PRPF18: variants seen among roughly 807,000 people sequenced by gnomAD.
PRPF18 encodes the protein pre-mRNA-splicing factor 18.
A neutral mutation model predicts 46.5 loss-of-function variants in PRPF18; 38 were observed. That is an observed-to-expected ratio of 0.82 (90% CI 0.63 to 1.07). PRPF18 has a LOEUF of 1.07. Ranked by LOEUF, PRPF18 falls within the 50% of genes least tolerant of loss-of-function variation. The pLI, the probability that PRPF18 is intolerant of heterozygous loss-of-function variation, is 0.00. For synonymous variants in PRPF18, 152 were observed against 146.7 expected, an observed-to-expected ratio of 1.04 and a Z score of -0.26; for missense variants, 263 against 410.0, an observed-to-expected ratio of 0.64 and a Z score of 3.10.
At chr10:13,616,595 AT>A (rs1314881786) in intron 9 of PRPF18, 42 bp downstream of exon 9, 2 of 1,598,236 alleles carry the variant, frequency 1.3e-6, no homozygotes, top group Non-Finnish European at 1.7e-6. Context: ...GGAAGTGAAT[AT>A]TCTCTAATTC....
intron 3 of PRPF18, among the ~76,000 whole-genome samples, chr10:13,605,412 T>C (rs1449272661): frequency 6.6e-6 from 1 of 151,860 alleles, no homozygotes; most frequent in Non-Finnish European, 1.5e-5. Flanking sequence ...TGAAACCCCA[T>C]CTCTACTAAA....
the PRPF18 span, among the ~76,000 whole-genome samples, chr10:13,636,589 T>C: frequency 6.6e-6 from 1 of 152,186 alleles, no homozygotes; most frequent in African/African-American, 2.4e-5. Context: ...TAAATTTTCT[T>C]ATTGGCAGTA....
At chr10:13,650,434 G>GTGTATGTA in the PRPF18 span, among the ~76,000 whole-genome samples, 1 of 152,122 alleles carries the variant, frequency 6.6e-6, no homozygotes, top group Admixed American at 6.5e-5. Flanking sequence ...GTATGTATTC[G>GTGTATGTA]TGTATGTATG....
At chr10:13,605,427 C>T (rs1470317148) in intron 3 of PRPF18, among the ~76,000 whole-genome samples, 1 of 151,822 alleles carries the variant, frequency 6.6e-6, no homozygotes, top group Admixed American at 6.6e-5. Flanking sequence ...ACTAAAAATA[C>T]AAAAGTTAGC....
Position 13,588,233 on chromosome 10 carries a change from C to T in PRPF18, c.66+1081C>T, listed in dbSNP as rs186394291. ...ACCAGCCTGGCAAACATGGTGAAAC[C>T]CCGTCTCTACTAAAAACACCAAAAT... On this transcript the variant is annotated intron_variant, in intron 1 of 9. Coordinates refer to ENST00000378572, the MANE Select transcript of PRPF18 (RefSeq NM_003675.4). Among the ~76,000 whole-genome samples, 32 of 152,178 alleles carry T rather than the reference C, an allele frequency of 2.1e-4. 1 individual carries two copies. In the East Asian group the frequency reaches 5.6e-3, roughly 27 times the overall value.
rs147208469 is a variant in PRPF18, at chr10:13,618,822, G to A, written c.948+2269G>A. On this transcript the variant is annotated intron_variant, in intron 9 of 9. Transcript: ENST00000378572. ...ATATTTGCTAATTGAATGAATTCAT[G>A]ATAGAGCAAGAGAGGTGATAATAAT... Among the ~76,000 whole-genome samples, 346 of 152,208 alleles carry A rather than the reference G, an allele frequency of 2.3e-3. 1 individual carries two copies. The highest frequency in any genetic ancestry group is 7.1e-3 in the African/African-American group (296 of 41,524).
chr10:13,635,022 A>G (rs898102780), downstream of PRPF18, among the ~76,000 whole-genome samples: 19 of 152,100 alleles, frequency 1.2e-4, no homozygotes, highest in Non-Finnish European at 2.2e-4. Flanking sequence ...TCCACTAGCT[A>G]TTCTTCCTGA....
the PRPF18 span, chr10:13,643,072 C>A: frequency 1.3e-5 from 2 of 152,246 alleles, no homozygotes; most frequent in Non-Finnish European, 2.9e-5. Flanking sequence ...GTCACCATTT[C>A]ATCTGTAAGT....
At chr10:13,605,199 T>C (rs1186309787) in intron 3 of PRPF18, among the ~76,000 whole-genome samples, 1 of 152,258 alleles carries the variant, frequency 6.6e-6, no homozygotes, top group East Asian at 1.9e-4. Context: ...CAGAGGCATG[T>C]ATTTGGATAA....
intron 1 of PRPF18, among the ~76,000 whole-genome samples, chr10:13,596,442 C>T (rs1341611090): frequency 6.6e-6 from 1 of 152,080 alleles, no homozygotes; most frequent in East Asian, 1.9e-4. Context: ...TTTTAGCATC[C>T]ATTGATGATC....
At chr10:13,614,307 T>C (rs2080309695) in intron 8 of PRPF18, among the ~76,000 whole-genome samples, 2 of 152,244 alleles carry the variant, frequency 1.3e-5, no homozygotes, top group Non-Finnish European at 2.9e-5. Context: ...CTCATCTGTA[T>C]GCTCTTGGTC....
chr10:13,631,215 T>G (rs1189903037), downstream of PRPF18: 1 of 152,344 alleles, frequency 6.6e-6, no homozygotes, highest in African/African-American at 2.4e-5. Context: ...TTTTCCACAG[T>G]GAGGGCTCGT....
At chr10:13,603,115 C>T (rs1209558828) in intron 3 of PRPF18, among the ~76,000 whole-genome samples, 3 of 152,178 alleles carry the variant, frequency 2.0e-5, no homozygotes, top group Non-Finnish European at 4.4e-5. Context: ...TTGTGAGATC[C>T]ATCATTAGTA....
chr10:13,608,458 A>G (rs886472205), intron 4 of PRPF18, among the ~76,000 whole-genome samples: 2 of 152,198 alleles, frequency 1.3e-5, no homozygotes. Flanking sequence ...ACTTCCCAGC[A>G]TTGTCATTCC....
At chr10:13,596,877 G>A (rs746635027) in intron 1 of PRPF18, among the ~76,000 whole-genome samples, 5 of 151,906 alleles carry the variant, frequency 3.3e-5, no homozygotes, top group Non-Finnish European at 5.9e-5. Flanking sequence ...CCAGAAAAAC[G>A]CACAAAAAAC....
chr10:13,641,998 C>T, the PRPF18 span: 1 of 152,024 alleles, frequency 6.6e-6, no homozygotes, highest in Non-Finnish European at 1.5e-5. Flanking sequence ...TGAAATTACT[C>T]TCCACACTGT....
chr10:13,618,999 G>T (rs1255665445), intron 9 of PRPF18, among the ~76,000 whole-genome samples: 2 of 152,200 alleles, frequency 1.3e-5, no homozygotes, highest in East Asian at 3.9e-4. Flanking sequence ...GATGGTTTCA[G>T]GATGAAACTG....
chr10:13,610,571 G>T (rs1281495089), intron 5 of PRPF18, among the ~76,000 whole-genome samples: 2 of 152,136 alleles, frequency 1.3e-5, no homozygotes, highest in Admixed American at 1.3e-4. Flanking sequence ...GATGCTCTGT[G>T]TACACTGAAT....
chr10:13,622,850 A>C (rs1208038481), intron 9 of PRPF18, among the ~76,000 whole-genome samples: 2 of 152,186 alleles, frequency 1.3e-5, no homozygotes, highest in African/African-American at 4.8e-5. Flanking sequence ...GTAATTTAAA[A>C]GTCTAGAATG....
Sources: allele counts gnomAD v4.1 joint callset (sites outside exome capture counted in the v4.1 genomes callset), GRCh38; gene constraint gnomAD v4.1.1; transcripts MANE v1.5; gene names NCBI Gene and HGNC (gene_info 2026-07-23, HGNC 2026-07-21).